PTPN1: variants seen among roughly 807,000 people sequenced by gnomAD.
PTPN1 encodes protein tyrosine phosphatase non-receptor type 1, also known as tyrosine-protein phosphatase non-receptor type 1.
Under a neutral mutation model 59.9 loss-of-function variants are expected in PTPN1, and 12 were observed. That is an observed-to-expected ratio of 0.20 (90% CI 0.13 to 0.32). The LOEUF (loss-of-function observed/expected upper bound fraction) is 0.32, where lower values mean the gene tolerates loss of function less well. PTPN1 is among the 10% of genes least tolerant of loss of function. The pLI, the probability that PTPN1 is intolerant of heterozygous loss-of-function variation, is 1.00. For missense variants in PTPN1, 356 were observed against 549.2 expected, an observed-to-expected ratio of 0.65 and a Z score of 3.52; for synonymous variants, 178 against 203.6, an observed-to-expected ratio of 0.87 and a Z score of 1.07.
At chr20:50,570,040 G>T (rs533662718) in intron 4 of PTPN1, among the ~76,000 whole-genome samples, 5 of 152,374 alleles carry the variant, frequency 3.3e-5, no homozygotes, top group African/African-American at 7.2e-5. Context: ...GGCTCTCACA[G>T]CTGTCCTGGT....
rs2122750094 is a variant in PTPN1, at chr20:50,540,895, A to T, written c.64-20468A>T. 2.0e-5 allele frequency among the ~76,000 whole-genome samples: 3 copies of T among 152,300 alleles called. No homozygotes were observed. In the South Asian group the frequency reaches 6.2e-4, roughly 32 times the overall value. ...CCTGCCACTGGGAATGCTGTGGATT[A>T]TACTAGGTCTCTATCTGGCTTGTTT... On this transcript the variant is annotated intron_variant, in intron 1 of 9. Transcript: ENST00000371621.
intron 5 of PTPN1, among the ~76,000 whole-genome samples, chr20:50,575,948 A>G (rs1018742985): frequency 6.6e-6 from 1 of 152,190 alleles, no homozygotes; most frequent in East Asian, 1.9e-4. Context: ...AATAAAAAAA[A>G]TAGTAGAAGT....
Position 50,568,337 on chromosome 20 carries a change from TTA to T in PTPN1, c.256-41_256-40del, listed in dbSNP as rs372998717. ...GAAGGTGAGCACACGCTGTAGCATG[TTA>T]TGTTTCAGATGTCACATGTTGTGTT... On this transcript the variant is annotated intron_variant, in intron 3 of 9. Transcript: ENST00000371621. The surrounding 1 kb of genome is among the most constrained non-coding windows in gnomAD (Gnocchi z 5.6). 6.8e-3 allele frequency: 10,534 copies of T among 1,546,804 alleles called. 47 individuals are homozygous for T. The highest frequency in any genetic ancestry group is 8.3e-3 in the Non-Finnish European group (9,250 of 1,119,034).
intron 1 of PTPN1, among the ~76,000 whole-genome samples, chr20:50,511,599 TCTC>T (rs965533667): frequency 6.6e-6 from 1 of 152,298 alleles, no homozygotes; most frequent in Middle Eastern, 3.4e-3. Flanking sequence ...TTAGGAGTCA[TCTC>T]CTTGTGTGTT....
At chr20:50,518,827 T>G (rs2082539696) in intron 1 of PTPN1, among the ~76,000 whole-genome samples, 1 of 152,178 alleles carries the variant, frequency 6.6e-6, no homozygotes. Flanking sequence ...TACATTAAGC[T>G]ACATCAGGTT....
At chr20:50,548,696 G>A (rs922283541) in intron 1 of PTPN1, among the ~76,000 whole-genome samples, 1 of 151,960 alleles carries the variant, frequency 6.6e-6, no homozygotes, top group Non-Finnish European at 1.5e-5. Flanking sequence ...GTGAACCACT[G>A]CACCTGGCCA....
chr20:50,534,966 C>CGGAACTCCTGCCTTCAGGT (rs1419093892), intron 1 of PTPN1, among the ~76,000 whole-genome samples: 89 of 152,168 alleles, frequency 5.8e-4, no homozygotes, highest in African/African-American at 2.0e-3. Flanking sequence ...TGCCTTCAGG[C>CGGAACTCCTGCCTTCAGGT]GGAACTCCTG....
At chr20:50,534,293 T>G (rs1485295137) in intron 1 of PTPN1, among the ~76,000 whole-genome samples, 1 of 152,240 alleles carries the variant, frequency 6.6e-6, no homozygotes, top group Admixed American at 6.5e-5. Context: ...TAGATTTTCT[T>G]GCTCTGACTT....
intron 6 of PTPN1, 70 bp from the exon 7 acceptor site, chr20:50,579,098 C>A: frequency 6.6e-7 from 1 of 1,508,560 alleles, no homozygotes; most frequent in South Asian, 1.2e-5. Context: ...GGACAGACAT[C>A]TAACGGTGTT....
intron 3 of PTPN1, among the ~76,000 whole-genome samples, chr20:50,565,411 A>G (rs1001195342): frequency 7.2e-5 from 11 of 152,230 alleles, no homozygotes; most frequent in Admixed American, 5.2e-4. Flanking sequence ...TATTTGTCGT[A>G]GAGCACTTGT....
At chr20:50,569,118 A>T (rs1201712344) in intron 4 of PTPN1, among the ~76,000 whole-genome samples, 1 of 152,132 alleles carries the variant, frequency 6.6e-6, no homozygotes, top group Non-Finnish European at 1.5e-5. Flanking sequence ...GACTTACCAT[A>T]GTTCATTTTG....
intron 8 of PTPN1, among the ~76,000 whole-genome samples, chr20:50,580,352 AT>A (rs1296719879): frequency 6.6e-6 from 1 of 152,038 alleles, no homozygotes; most frequent in African/African-American, 2.4e-5. Flanking sequence ...ATTAAATCCC[AT>A]TTTACTTCCT....
intron 1 of PTPN1, among the ~76,000 whole-genome samples, chr20:50,521,439 A>G (rs943044825): frequency 6.6e-6 from 1 of 152,278 alleles, no homozygotes; most frequent in African/African-American, 2.4e-5. Flanking sequence ...GAAATGTTTC[A>G]GGAGGACAAT....
intron 5 of PTPN1, among the ~76,000 whole-genome samples, chr20:50,575,475 G>T (rs1356050255): frequency 6.6e-6 from 1 of 152,238 alleles, no homozygotes; most frequent in Non-Finnish European, 1.5e-5. Flanking sequence ...TGTGTAGCAC[G>T]GGCTTTATCT....
chr20:50,571,811 A>G (rs2082810127), intron 4 of PTPN1: 1 of 152,214 alleles, frequency 6.6e-6, no homozygotes, highest in South Asian at 2.1e-4. Context: ...ATTGTTGTTT[A>G]GAAGGGGGAA....
At chr20:50,579,060 G>C in intron 6 of PTPN1, 108 bp from the exon 7 acceptor site, 2 of 1,291,012 alleles carry the variant, frequency 1.5e-6, no homozygotes, top group Non-Finnish European at 2.2e-6. Flanking sequence ...CAACACTAGG[G>C]ATCACATTTC....
chr20:50,548,231 G>A (rs1458439075), intron 1 of PTPN1, among the ~76,000 whole-genome samples: 1 of 152,040 alleles, frequency 6.6e-6, no homozygotes, highest in Non-Finnish European at 1.5e-5. Flanking sequence ...ACTGGGCTTA[G>A]TCTAGCGTTT....
intron 1 of PTPN1, among the ~76,000 whole-genome samples, chr20:50,529,569 T>C (rs530233435): frequency 6.6e-6 from 1 of 152,240 alleles, no homozygotes. Context: ...GATGACACTT[T>C]TGCGTCTGAA....
chr20:50,582,959 GAA>G lies in PTPN1; in HGVS notation c.*246_*247del, dbSNP rs1255302118. 7 of 584,750 alleles carry G rather than the reference GAA, an allele frequency of 1.2e-5. No individual in the cohort carries two copies. Among genetic ancestry groups the G allele is most frequent in the African/African-American group, 9.3e-5 (5 of 53,858 alleles). The allele number at this position is 584,750 out of a possible 1,614,324, so 36.2% of individuals were successfully genotyped here. ...CCACAAGCCATTTTTTGAGGAGAGT[GAA>G]AGAGAGTACCATGCTGGCGGCGCAG... On this transcript the variant is annotated 3_prime_UTR_variant, in exon 10 of 10. Coordinates refer to ENST00000371621, the MANE Select transcript of PTPN1 (RefSeq NM_002827.4). The surrounding 1 kb of genome is among the most constrained non-coding windows in gnomAD (Gnocchi z 4.2).
Sources: allele counts gnomAD v4.1 joint callset (sites outside exome capture counted in the v4.1 genomes callset), GRCh38; gene constraint gnomAD v4.1.1; non-coding constraint Gnocchi (gnomAD v3.1); transcripts MANE v1.5; gene names NCBI Gene and HGNC (gene_info 2026-07-23, HGNC 2026-07-21).